Variants in CA10 observed in about 807,000 individuals in gnomAD.
CA10 encodes carbonic anhydrase 10 (inactive), also known as carbonic anhydrase-related protein 10.
CA10 carries 14 observed loss-of-function variants against 44.2 expected under a neutral mutation model. The ratio of observed to expected loss-of-function variants is 0.32; its 90% confidence interval spans 0.21 to 0.50. The LOEUF (loss-of-function observed/expected upper bound fraction) is 0.50, where lower values mean the gene tolerates loss of function less well. Ranked by LOEUF, CA10 falls within the 20% of genes least tolerant of loss-of-function variation. The pLI is 0.99. For synonymous variants in CA10, 159 were observed against 141.6 expected, an observed-to-expected ratio of 1.12 and a Z score of -0.87; for missense variants, 350 against 409.7, an observed-to-expected ratio of 0.85 and a Z score of 1.26.
At chr17:52,113,849 G>A (rs1055470753) in intron 1 of CA10, among the ~76,000 whole-genome samples, 5 of 152,170 alleles carry the variant, frequency 3.3e-5, no homozygotes, top group African/African-American at 7.2e-5. Flanking sequence ...TTAATCAGTC[G>A]CTGAACCTTG....
At chr17:52,146,205 A>G (rs1218638933) in intron 1 of CA10, among the ~76,000 whole-genome samples, 1 of 152,210 alleles carries the variant, frequency 6.6e-6, no homozygotes, top group East Asian at 1.9e-4. Context: ...ATACATATGT[A>G]ACAAACCTGC....
At chr17:51,675,270 C>T (rs895327545) in intron 4 of CA10, among the ~76,000 whole-genome samples, 12 of 152,130 alleles carry the variant, frequency 7.9e-5, no homozygotes, top group Admixed American at 2.0e-4. Flanking sequence ...TTAAAATTCC[C>T]AGTTCTCAGT....
chr17:51,693,462 C>T (rs571192662), intron 4 of CA10, among the ~76,000 whole-genome samples: 1 of 152,204 alleles, frequency 6.6e-6, no homozygotes, highest in East Asian at 1.9e-4. Flanking sequence ...GCATAGCACC[C>T]AATAGTTTTT....
chr17:51,949,033 T>C (rs1241421215), intron 2 of CA10, among the ~76,000 whole-genome samples: 1 of 152,158 alleles, frequency 6.6e-6, no homozygotes, highest in Non-Finnish European at 1.5e-5. Flanking sequence ...AATAAAATTA[T>C]GAAGAAGTTA....
At chr17:52,043,398 A>T (rs960162004) in intron 2 of CA10, among the ~76,000 whole-genome samples, 7 of 151,284 alleles carry the variant, frequency 4.6e-5, no homozygotes, top group African/African-American at 1.7e-4. Context: ...CAGAAACAAA[A>T]TTTTTTGCAC....
At chr17:52,160,015 T>G (rs1989907421), upstream of CA10, 1 of 152,178 alleles carries the variant, frequency 6.6e-6, no homozygotes, top group Non-Finnish European at 1.5e-5. Context: ...GATTGGGAAC[T>G]GTGACGTTAG....
intron 2 of CA10, among the ~76,000 whole-genome samples, chr17:51,987,994 AATAG>A (rs2144098715): frequency 6.6e-6 from 1 of 152,184 alleles, no homozygotes; most frequent in South Asian, 2.1e-4. Flanking sequence ...TCAATACTCT[AATAG>A]ATAAGTTTGT....
intron 2 of CA10, among the ~76,000 whole-genome samples, chr17:51,985,891 G>A (rs1448869396): frequency 6.6e-6 from 1 of 151,908 alleles, no homozygotes; most frequent in African/African-American, 2.4e-5. Context: ...CCATACTCAC[G>A]GGTGGGTAGA....
intron 4 of CA10, among the ~76,000 whole-genome samples, chr17:51,711,614 AG>A (rs1379406538): frequency 6.6e-6 from 1 of 152,158 alleles, no homozygotes; most frequent in Non-Finnish European, 1.5e-5. Flanking sequence ...TGTTTTCCTG[AG>A]GATATGGTCC....
At chr17:52,076,909 T>C (rs1987832655) in intron 1 of CA10, among the ~76,000 whole-genome samples, 1 of 152,136 alleles carries the variant, frequency 6.6e-6, no homozygotes, top group African/African-American at 2.4e-5. Flanking sequence ...TATGCTCCTC[T>C]TTGCCTAGGT....
At chr17:51,837,563 C>A (rs1908530444) in intron 3 of CA10, among the ~76,000 whole-genome samples, 1 of 152,176 alleles carries the variant, frequency 6.6e-6, no homozygotes, top group East Asian at 1.9e-4. Context: ...GGATTGGAAA[C>A]CAGGCCTCCT....
intron 3 of CA10, among the ~76,000 whole-genome samples, chr17:51,843,666 G>A (rs914789020): frequency 1.3e-5 from 2 of 152,080 alleles, no homozygotes; most frequent in African/African-American, 4.8e-5. Context: ...TTTCCCTACA[G>A]CAATATACTT....
At chr17:51,718,635 A>C (rs1916254495) in intron 4 of CA10, among the ~76,000 whole-genome samples, 1 of 152,184 alleles carries the variant, frequency 6.6e-6, no homozygotes, top group Non-Finnish European at 1.5e-5. Context: ...TGAACCCAAA[A>C]AAGTGGTCAT....
intron 4 of CA10, among the ~76,000 whole-genome samples, chr17:51,740,798 C>T (rs1429358175): frequency 6.6e-6 from 1 of 152,114 alleles, no homozygotes; most frequent in African/African-American, 2.4e-5. Context: ...AATGTCCTTC[C>T]CCAGACATCT....
At chr17:51,777,713 T>G (rs2143669611) in intron 3 of CA10, among the ~76,000 whole-genome samples, 1 of 152,332 alleles carries the variant, frequency 6.6e-6, no homozygotes, top group South Asian at 2.1e-4. Context: ...GGTGGACTGC[T>G]TGAGCCTAAG....
intron 3 of CA10, among the ~76,000 whole-genome samples, chr17:51,765,462 A>G (rs143597984): frequency 5.3e-5 from 8 of 152,318 alleles, no homozygotes; most frequent in African/African-American, 1.9e-4. Context: ...CGTCTTCCCA[A>G]GATAATTATG....
intron 2 of CA10, among the ~76,000 whole-genome samples, chr17:52,045,040 A>G (rs1435061606): frequency 6.6e-6 from 1 of 151,884 alleles, no homozygotes; most frequent in Non-Finnish European, 1.5e-5. Flanking sequence ...AATGAAAACC[A>G]GAACAAAGAA....
intron 4 of CA10, among the ~76,000 whole-genome samples, chr17:51,655,740 A>T (rs1445821743): frequency 6.6e-6 from 1 of 152,272 alleles, no homozygotes; most frequent in African/African-American, 2.4e-5. Flanking sequence ...TCAGATGGAC[A>T]GTACCTTGAA....
intron 3 of CA10, among the ~76,000 whole-genome samples, chr17:51,816,593 G>A (rs896477673): frequency 6.6e-6 from 1 of 151,992 alleles, no homozygotes; most frequent in African/African-American, 2.4e-5. Flanking sequence ...AGTGTTATTG[G>A]TATCCACAAC....
Sources: allele counts gnomAD v4.1 joint callset (sites outside exome capture counted in the v4.1 genomes callset), GRCh38; gene constraint gnomAD v4.1.1; transcripts MANE v1.5; gene names NCBI Gene and HGNC (gene_info 2026-07-23, HGNC 2026-07-21).